The following TEX11 variants were observed in gnomAD, a reference collection of about 807,000 sequenced individuals.
TEX11 encodes testis-expressed protein 11.
In TEX11, 7 loss-of-function variants were observed where a neutral mutation model predicts 84.4. The ratio of observed to expected loss-of-function variants is 0.08; its 90% confidence interval spans 0.05 to 0.16. The LOEUF is 0.16. Ranked by LOEUF, TEX11 falls within the 10% of genes least tolerant of loss-of-function variation. The pLI is 1.00. For missense variants in TEX11, 551 were observed against 660.5 expected, an observed-to-expected ratio of 0.83 and a Z score of 1.82; for synonymous variants, 264 against 222.8, an observed-to-expected ratio of 1.18 and a Z score of -1.64.
intron 16 of TEX11, among the ~76,000 whole-genome samples, chrX:70,663,472 C>A (rs1218055771): frequency 9.0e-6 from 1 of 111,496 alleles, no homozygotes; most frequent in Non-Finnish European, 1.9e-5. Context: ...GTAAATCTTC[C>A]ATTTCCCAAG....
At chrX:70,684,802 A>T in intron 13 of TEX11, among the ~76,000 whole-genome samples, 1 of 111,926 alleles carries the variant, frequency 8.9e-6, no homozygotes, top group South Asian at 3.8e-4. Context: ...AGAAAAGCTA[A>T]TATTAAAATT....
intron 2 of TEX11, among the ~76,000 whole-genome samples, chrX:70,885,223 T>A (rs750519603): frequency 6.3e-5 from 7 of 110,399 alleles, no homozygotes; most frequent in Non-Finnish European, 7.6e-5. Context: ...ATGAGAGAGG[T>A]GCCTTAACAC....
At chrX:70,822,553 T>TAC (rs753514436) in intron 8 of TEX11, among the ~76,000 whole-genome samples, 12 of 111,267 alleles carry the variant, frequency 1.1e-4, no homozygotes, top group South Asian at 3.7e-4. Context: ...TGTATCTATA[T>TAC]ACACACACAC....
At chrX:70,677,810 C>CTTTTTTTTTTTTTTTTTTTTT in intron 15 of TEX11, among the ~76,000 whole-genome samples, 1 of 63,582 alleles carries the variant, frequency 1.6e-5, no homozygotes, top group Non-Finnish European at 2.7e-5. Flanking sequence ...CTTTTCTTTC[C>CTTTTTTTTTTTTTTTTTTTTT]TTTTTTTTTT....
chrX:70,765,279 G>A (rs949281385), intron 9 of TEX11, among the ~76,000 whole-genome samples: 4 of 110,801 alleles, frequency 3.6e-5, no homozygotes, highest in Non-Finnish European at 5.7e-5. Flanking sequence ...CCAGCTACTC[G>A]GGTGGCTGAG....
intron 17 of TEX11, among the ~76,000 whole-genome samples, chrX:70,639,259 G>A (rs28835302): frequency 0.2 from 21,810 of 111,274 alleles, 1,662 homozygotes; most frequent in African/African-American, 0.21. Flanking sequence ...CACCTGGCTC[G>A]GAGGGTCCTA....
At chrX:70,764,485 G>C (rs2090927624) in intron 9 of TEX11, among the ~76,000 whole-genome samples, 1 of 111,272 alleles carries the variant, frequency 9.0e-6, no homozygotes. Context: ...GGTCAGAGCA[G>C]AAATAAATAA....
At chrX:70,606,570 G>A (rs2089197179) in intron 23 of TEX11, among the ~76,000 whole-genome samples, 1 of 111,887 alleles carries the variant, frequency 8.9e-6, no homozygotes, top group Admixed American at 9.5e-5. Flanking sequence ...CTTATTCTAT[G>A]TTCTTGTAGA....
intron 28 of TEX11, among the ~76,000 whole-genome samples, chrX:70,540,807 A>G (rs1478319493): frequency 1.8e-5 from 2 of 111,940 alleles, no homozygotes; most frequent in Non-Finnish European, 3.8e-5. Flanking sequence ...GCAGGTGTCC[A>G]TCTCTATGAA....
intron 7 of TEX11, among the ~76,000 whole-genome samples, chrX:70,846,836 A>AGAG (rs2091481740): frequency 8.9e-6 from 1 of 111,739 alleles, no homozygotes; most frequent in Non-Finnish European, 1.9e-5. Flanking sequence ...AGGCATGAGA[A>AGAG]TAGCTTGAAC....
intron 25 of TEX11, among the ~76,000 whole-genome samples, chrX:70,568,061 A>G (rs972573358): frequency 3.6e-5 from 4 of 111,521 alleles, no homozygotes; most frequent in Non-Finnish European, 7.5e-5. Context: ...TAGGTCACTC[A>G]GGAGTTGCTT....
At chrX:70,882,781 C>CAA in intron 2 of TEX11, among the ~76,000 whole-genome samples, 1 of 93,057 alleles carries the variant, frequency 1.1e-5, no homozygotes. Context: ...CCTTGTCTCT[C>CAA]AAAAAAAAAA....
At chrX:70,625,972 T>C (rs912627679) in intron 18 of TEX11, among the ~76,000 whole-genome samples, 1 of 110,339 alleles carries the variant, frequency 9.1e-6, no homozygotes, top group Non-Finnish European at 1.9e-5. Context: ...GGTCTCGAAC[T>C]CCTGACCTCA....
chrX:70,594,312 AAG>A (rs1336829029), intron 24 of TEX11, among the ~76,000 whole-genome samples: 2 of 111,521 alleles, frequency 1.8e-5, no homozygotes, highest in African/African-American at 6.5e-5. Context: ...CTGGATAAAT[AAG>A]AGCTGAGAGA....
At chrX:70,599,206 T>G (rs926904856) in intron 24 of TEX11, among the ~76,000 whole-genome samples, 2 of 111,307 alleles carry the variant, frequency 1.8e-5, no homozygotes, top group African/African-American at 6.5e-5. Flanking sequence ...ATAAATAAAA[T>G]AAAGAAATAT....
intron 8 of TEX11, among the ~76,000 whole-genome samples, chrX:70,823,693 T>C (rs1313653965): frequency 4.5e-5 from 5 of 111,360 alleles, no homozygotes; most frequent in Non-Finnish European, 9.4e-5. Context: ...TGGCCAAATG[T>C]AGAAAGAGTT....
At chrX:70,864,569 A>G (rs2091587772) in intron 4 of TEX11, among the ~76,000 whole-genome samples, 1 of 106,297 alleles carries the variant, frequency 9.4e-6, no homozygotes, top group Non-Finnish European at 1.9e-5. Flanking sequence ...AACCCTTTCT[A>G]TACTAAAAAT....
At position 70,552,116 on chromosome X, in the gene TEX11, T is replaced by C; in HGVS notation, c.2520+10A>G. 3 of 1,206,942 alleles carry C rather than the reference T, an allele frequency of 2.5e-6. No individual in the cohort carries two copies. Among genetic ancestry groups the C allele is most frequent in the Non-Finnish European group, 3.4e-6 (3 of 894,057 alleles). The stretch of plus-strand genomic sequence containing the variant: ...ATTAACTGAAAGTTTAATATCACTA[T>C]TTGACTTACAGTGCGGCTAATGTGG... On this transcript the variant is annotated intron_variant, in intron 28 of 29. Coordinates refer to ENST00000374333, the MANE Select transcript of TEX11 (RefSeq NM_031276.3).
chrX:70,750,718 C>T (rs1323424909), intron 9 of TEX11, among the ~76,000 whole-genome samples: 1 of 94,422 alleles, frequency 1.1e-5, no homozygotes, highest in African/African-American at 3.9e-5. Context: ...GGGAATTGAA[C>T]AATGAGATCA....
Sources: gnomAD v4.1 joint callset for allele counts (sites outside exome capture counted in the v4.1 genomes callset) on GRCh38, gnomAD v4.1.1 for gene constraint, MANE v1.5 for transcripts, NCBI Gene and HGNC (gene_info 2026-07-23, HGNC 2026-07-21) for gene names.